The following ARHGEF40 variants were observed in gnomAD, a reference collection of about 807,000 sequenced individuals.
ARHGEF40 encodes the protein Rho guanine nucleotide exchange factor 40.
ARHGEF40 carries 98 observed loss-of-function variants against 165.9 expected under a neutral mutation model. The observed-to-expected ratio is 0.59, with a 90% confidence interval of 0.50 to 0.70. The LOEUF (loss-of-function observed/expected upper bound fraction) is 0.70, where lower values mean the gene tolerates loss of function less well. ARHGEF40 is among the 30% of genes least tolerant of loss of function. ARHGEF40 has a pLI of 0.00. For missense variants in ARHGEF40, 1,815 were observed against 1,968.0 expected (o/e 0.92, Z 1.47); for synonymous variants, 792 against 814.3 (o/e 0.97, Z 0.47).
upstream of ARHGEF40, among the ~76,000 whole-genome samples, chr14:21,067,391 A>C (rs1467148226): frequency 6.6e-6 from 1 of 152,188 alleles, no homozygotes; most frequent in East Asian, 1.9e-4. Context: ...TGGTGGCAGA[A>C]ATGGTGATGT....
In ARHGEF40 at chr14:21,075,054, G is replaced by C. The variant is rs781369315; in HGVS notation, c.1324G>C (p.Glu442Gln). 3.7e-6 allele frequency: 6 copies of C among 1,614,004 alleles called. No individual in the cohort carries two copies. The highest frequency in any genetic ancestry group is 4.2e-6 in the Non-Finnish European group (5 of 1,180,052). Residue 442 changes from glutamate to glutamine, a missense_variant, in exon 3 of 24, where the codon GAA becomes CAA. Transcript: ENST00000298694. The surrounding 1 kb of genome is among the most constrained non-coding windows in gnomAD (Gnocchi z 4.5). ...GGAATATGAAGGCTCAGGGAAGCCA[G>C]AATCTGAGCCAAAAGAGCTCAAAAC... ...KEEYEGSGKPESEPKELKTAG... is the reference protein window; with the variant it reads ...KEEYEGSGKPQSEPKELKTAG...
In ARHGEF40 at chr14:21,082,095, G is replaced by T. The variant is rs747859875; in HGVS notation, c.3227G>T (p.Arg1076Leu). ...GGACCCTGGGGAGTAGGCACCCCCC[G>T]GATGGAGCGCAAGCGAAGCATCAGG... ...PDGPWGVGTP[R>L]MERKRSISAQ... The change falls in exon 14 of 24, where the codon CGG becomes CTG. Residue 1076 changes from arginine (R) to leucine (L), a missense_variant. Transcript: ENST00000298694. 6 of 1,562,162 alleles carry T rather than the reference G, an allele frequency of 3.8e-6. No individual in the cohort carries two copies. Among genetic ancestry groups the T allele is most frequent in the Non-Finnish European group, 5.2e-6 (6 of 1,153,310 alleles).
Position 21,075,455 on chromosome 14 carries a change from A to G in ARHGEF40, c.1574A>G (p.Asp525Gly). Residue 525 changes from aspartate to glycine, a missense_variant, in exon 4 of 24, where the codon GAT (aspartate) becomes GGT (glycine). By Grantham distance (94) the Asp-to-Gly change is moderately conservative. Coordinates refer to ENST00000298694, the MANE Select transcript of ARHGEF40 (RefSeq NM_018071.5). This position sits in a 1 kb window ranked among gnomAD's most constrained non-coding sequence, Gnocchi z 4.5. Reference sequence around the variant, plus strand: ...GCAGTCTCCGTCTCTGATCACCCTGATGTAGCTTGGGACTTGATGGCATCT... The same window carrying G: ...GCAGTCTCCGTCTCTGATCACCCTGGTGTAGCTTGGGACTTGATGGCATCT... ...ALAVSVSDHP[D>G]VAWDLMASGF... 1 of 1,614,174 alleles carries G rather than the reference A, an allele frequency of 6.2e-7. No individual in the cohort carries two copies. The highest frequency in any genetic ancestry group is 8.5e-7 in the Non-Finnish European group (1 of 1,180,038).
At chr14:21,068,221 G>T (rs1200381477), upstream of ARHGEF40, among the ~76,000 whole-genome samples, 2 of 13,422 alleles carry the variant, frequency 1.5e-4, no homozygotes, top group African/African-American at 2.2e-4. Flanking sequence ...GGATGGTCTC[G>T]ATCTCCTGAC....
rs1888304242 is a variant in ARHGEF40 at position 21,085,969 on chromosome 14, A to C, written c.4138+103A>C. 3.9e-6 allele frequency: 5 copies of C among 1,282,958 alleles called. No individual in the cohort carries two copies. In the African/African-American group the frequency reaches 4.4e-5, roughly 11 times the overall value. The allele number at this position is 1,282,958 out of a possible 1,614,324, so 79.5% of individuals were successfully genotyped here. A position where few individuals can be genotyped will look rare whatever the true frequency, so the allele number is the denominator to read the frequency against. ...CTTGGGAAAACAGTTTATAGGATGA[A>C]GAAAGAATGGCTTATAATAAGATTC... On this transcript the variant is annotated intron_variant, in intron 19 of 23. Coordinates refer to ENST00000298694, the MANE Select transcript of ARHGEF40 (RefSeq NM_018071.5).
chr14:21,090,015 A>G lies in ARHGEF40; in HGVS notation c.*1007A>G, dbSNP rs926076521. ...TAACTAAGTGTCTGAAGAGGTGACT[A>G]TTTCCTGACAGAAGGACCCAAAGAG... On this transcript the variant is annotated 3_prime_UTR_variant, in exon 24 of 24. Coordinates refer to ENST00000298694, the MANE Select transcript of ARHGEF40 (RefSeq NM_018071.5). This position sits in a 1 kb window ranked among gnomAD's most constrained non-coding sequence, Gnocchi z 4.4. 1.2e-5 allele frequency: 3 copies of G among 249,776 alleles called. No homozygotes were observed. Among genetic ancestry groups the G allele is most frequent in the South Asian group, 4.1e-5 (1 of 24,618 alleles). 15.5% of individuals were successfully genotyped at this position (249,776 alleles called of 1,614,324 possible). A position where few individuals can be genotyped will look rare whatever the true frequency, so the allele number is the denominator to read the frequency against.
In ARHGEF40 at chr14:21,082,234, G is replaced by A. The variant is rs1298230932; in HGVS notation, c.3252-10G>A. On this transcript the variant is annotated splice_polypyrimidine_tract_variant and intron_variant, in intron 14 of 23. Coordinates refer to ENST00000298694, the MANE Select transcript of ARHGEF40 (RefSeq NM_018071.5). ...CCACACCTCCTCTGCCACTCCTATT[G>A]TGCCTGCAGTGCCCAGCAGCGGCTG... 3 of 1,601,268 alleles carry A rather than the reference G, an allele frequency of 1.9e-6. No individual in the cohort carries two copies. The highest frequency in any genetic ancestry group is 1.7e-6 in the Non-Finnish European group (2 of 1,171,330).
chr14:21,083,268 G>A (rs545275241), intron 16 of ARHGEF40, among the ~76,000 whole-genome samples: 22 of 152,228 alleles, frequency 1.4e-4, no homozygotes, highest in South Asian at 8.3e-4. Context: ...GTGGCCGGGC[G>A]CGGTGACTCA....
chr14:21,074,336 C>G lies in ARHGEF40; in HGVS notation c.606C>G (p.Pro202=), dbSNP rs148467480. The change falls in exon 3 of 24, where the codon CCC becomes CCG. Residue 202 remains proline (P), a synonymous_variant. Transcript: ENST00000298694. This position sits in a 1 kb window ranked among gnomAD's most constrained non-coding sequence, Gnocchi z 4.8. The part of the protein sequence containing the change: ...LMVGHQPSTL[P]PELPSGPPGL... ...TTGGACATCAGCCAAGTACACTGCCCCCAGAACTGCCCTCTGGACCTCCAG... is the reference window on the plus strand; with the variant it reads ...TTGGACATCAGCCAAGTACACTGCCGCCAGAACTGCCCTCTGGACCTCCAG... 12 of 1,614,038 alleles carry G rather than the reference C, an allele frequency of 7.4e-6. No homozygotes were observed. Among genetic ancestry groups the G allele is most frequent in the Non-Finnish European group, 1.0e-5 (12 of 1,180,040 alleles).
chr14:21,078,611 CT>C, intron 10 of ARHGEF40, 123 bp downstream of exon 10: 1 of 1,023,792 alleles, frequency 9.8e-7, no homozygotes, highest in Non-Finnish European at 1.4e-6. Flanking sequence ...AGATACTATG[CT>C]TTTACACTTA....
chr14:21,078,838 G>C (rs1323514184), intron 10 of ARHGEF40, 46 bp from the exon 11 acceptor site: 1 of 1,594,218 alleles, frequency 6.3e-7, no homozygotes, highest in Non-Finnish European at 8.6e-7. Context: ...CAGAATTGAG[G>C]GGCTCAACAA....
the ARHGEF40 span, among the ~76,000 whole-genome samples, chr14:21,062,708 A>AGTGT: frequency 0.11 from 14,202 of 130,910 alleles, 1,701 homozygotes; most frequent in African/African-American, 0.31. Flanking sequence ...GGCTGGGCAC[A>AGTGT]GTGTGTGTGT....
the ARHGEF40 span, among the ~76,000 whole-genome samples, chr14:21,063,878 T>C: frequency 1.3e-5 from 2 of 152,322 alleles, no homozygotes; most frequent in Admixed American, 1.3e-4. Flanking sequence ...AATTTACCTA[T>C]GGAGATAGCT....
In ARHGEF40 at chr14:21,073,174, C is replaced by G; in HGVS notation, c.133C>G (p.Leu45Val). Residue 45 changes from leucine to valine, a missense_variant, in exon 2 of 24, where the codon CTG becomes GTG. Coordinates refer to ENST00000298694, the MANE Select transcript of ARHGEF40 (RefSeq NM_018071.5). This position sits in a 1 kb window ranked among gnomAD's most constrained non-coding sequence, Gnocchi z 4.6. Reference sequence around the variant, plus strand: ...GGAGAGGACTTATCGGGAGGACGCACTGAGGTACACGCTGGACTTCCTGGT... The same window carrying G: ...GGAGAGGACTTATCGGGAGGACGCAGTGAGGTACACGCTGGACTTCCTGGT... Reference protein sequence around the residue: ...VVERTYREDALRYTLDFLVPA... With the variant: ...VVERTYREDAVRYTLDFLVPA... 6.2e-7 allele frequency: 1 copy of G among 1,614,100 alleles called. No individual in the cohort carries two copies. Among genetic ancestry groups the G allele is most frequent in the African/African-American group, 1.3e-5 (1 of 75,016 alleles).
chr14:21,062,919 GC>G, the ARHGEF40 span, among the ~76,000 whole-genome samples: 3 of 148,650 alleles, frequency 2.0e-5, no homozygotes, highest in South Asian at 6.4e-4. Flanking sequence ...TTCAAGACCA[GC>G]CTGGGCAGTA....
intron 8 of ARHGEF40, 86 bp from the exon 9 acceptor site, chr14:21,078,091 C>T (rs768548805): frequency 8.1e-7 from 1 of 1,236,660 alleles, no homozygotes; most frequent in Non-Finnish European, 1.1e-6. Context: ...CCATAAAAGT[C>T]TCTGGGGCTA....
chr14:21,086,667 G>A (rs1019257012), intron 19 of ARHGEF40: 1 of 256,186 alleles, frequency 3.9e-6, no homozygotes, highest in Non-Finnish European at 7.8e-6. Flanking sequence ...AACTGTAAAG[G>A]TATGTAAAAA....
chr14:21,076,682 G>GT (rs1887451162), intron 7 of ARHGEF40, 39 bp downstream of exon 7: 2 of 1,508,908 alleles, frequency 1.3e-6, no homozygotes, highest in African/African-American at 1.5e-5. Flanking sequence ...CCCATCAGTA[G>GT]TGGGGAGAGG....
chr14:21,087,066 C>T lies in ARHGEF40; in HGVS notation c.4204C>T (p.Leu1402Phe), dbSNP rs145494890. The T allele has an allele frequency of 3.3e-4, 526 of 1,608,430 alleles. No individual in the cohort carries two copies. The highest frequency in any genetic ancestry group is 4.1e-4 in the Non-Finnish European group (483 of 1,177,352). ...GNKPFLDIKA[L>F]GERTLSALLT... Reference sequence around the variant, plus strand: ...TAAACCCTTCCTGGACATCAAAGCCCTTGGGGAGCGGACGCTGAGTGCCCT... The same window carrying T: ...TAAACCCTTCCTGGACATCAAAGCCTTTGGGGAGCGGACGCTGAGTGCCCT... Residue 1402 changes from leucine to phenylalanine, a missense_variant, in exon 20 of 24, where the codon CTT becomes TTT. Leu to Phe is a conservative substitution (Grantham distance 22). Transcript: ENST00000298694.
Sources: gnomAD v4.1 joint callset for allele counts (sites outside exome capture counted in the v4.1 genomes callset) on GRCh38, gnomAD v4.1.1 for gene constraint, Gnocchi (gnomAD v3.1) non-coding constraint, MANE v1.5 for transcripts, NCBI Gene and HGNC (gene_info 2026-07-23, HGNC 2026-07-21) for gene names.